The following PHLPP1 variants were observed in gnomAD, a reference collection of about 807,000 sequenced individuals.
The protein encoded by PHLPP1 is PH domain and leucine rich repeat protein phosphatase 1, also known as PH domain leucine-rich repeat-containing protein phosphatase 1.
A neutral mutation model predicts 117.2 loss-of-function variants in PHLPP1; 42 were observed. The observed-to-expected ratio is 0.36, with a 90% CI of 0.28 to 0.46. The LOEUF is 0.46. PHLPP1 is among the 20% of genes least tolerant of loss of function. The pLI, the probability that PHLPP1 is intolerant of heterozygous loss-of-function variation, is 1.00. For synonymous variants in PHLPP1, 1,042 were observed against 970.7 expected, an observed-to-expected ratio of 1.07 and a Z score of -1.37; for missense variants, 2,084 against 2,241.9, an observed-to-expected ratio of 0.93 and a Z score of 1.42.
At chr18:62,962,732 C>T (rs898542789) in intron 13 of PHLPP1, among the ~76,000 whole-genome samples, 1 of 152,230 alleles carries the variant, frequency 6.6e-6, no homozygotes, top group African/African-American at 2.4e-5. Context: ...AGTTTAAATA[C>T]ATACAGTTAA....
At chr18:62,791,131 T>G (rs1278309118) in intron 1 of PHLPP1, among the ~76,000 whole-genome samples, 1 of 152,138 alleles carries the variant, frequency 6.6e-6, no homozygotes, top group East Asian at 1.9e-4. Flanking sequence ...GCTTTCATTA[T>G]TGTCCTAGCA....
rs1351308538 is a variant in PHLPP1 at position 62,838,869 on chromosome 18, C to G, written c.1859C>G (p.Thr620Ser). The G allele has an allele frequency of 6.2e-7, 1 of 1,613,798 alleles. No individual in the cohort carries two copies. The highest frequency in any genetic ancestry group is 1.7e-5 in the Admixed American group (1 of 60,002). ...QSQTYYICFD[T>S]FTEYLRWLRQ... ...CAGACTTACTACATTTGCTTTGATACTTTCACAGAATACTTAAGGTGGCTG... is the reference window on the plus strand; with the variant it reads ...CAGACTTACTACATTTGCTTTGATAGTTTCACAGAATACTTAAGGTGGCTG... The change falls in exon 3 of 17, where the codon ACT (threonine) becomes AGT (serine). Residue 620 changes from threonine (T) to serine (S), a missense_variant. Physicochemically the swap from Thr to Ser is moderately conservative, Grantham distance 58. Around this residue, in one of 2 missense-constraint regions of PHLPP1, gnomAD observed 1,365 missense variants for 1,605.9 expected, o/e 0.85. Coordinates refer to ENST00000262719, the MANE Select transcript of PHLPP1 (RefSeq NM_194449.4).
intron 4 of PHLPP1, among the ~76,000 whole-genome samples, chr18:62,882,771 A>G (rs2144385949): frequency 6.6e-6 from 1 of 152,246 alleles, no homozygotes; most frequent in Non-Finnish European, 1.5e-5. Flanking sequence ...AAAGAGAAAC[A>G]TGAAGTAAGT....
At chr18:62,800,349 C>T (rs568220398) in intron 1 of PHLPP1, among the ~76,000 whole-genome samples, 1 of 152,236 alleles carries the variant, frequency 6.6e-6, no homozygotes, top group Non-Finnish European at 1.5e-5. Flanking sequence ...GTTTGTGTTG[C>T]ATAAAATGTA....
chr18:62,786,842 G>T (rs984349189), intron 1 of PHLPP1, among the ~76,000 whole-genome samples: 1 of 152,188 alleles, frequency 6.6e-6, no homozygotes, highest in East Asian at 1.9e-4. Context: ...GCAATGGTTT[G>T]TGCTGTTTAT....
rs1334065538 is a variant in PHLPP1, at chr18:62,941,734, G to A, written c.2977G>A (p.Ala993Thr). The change falls in exon 11 of 17, where the codon GCC (alanine) becomes ACC (threonine). Residue 993 changes from alanine (A) to threonine (T), a missense_variant. This residue lies in a region of PHLPP1 where 1,365 missense variants were observed against 1,605.9 expected (regional missense o/e 0.85). Transcript: ENST00000262719. ...MKADSLRFLNASANKLESLPP... is the reference protein window; with the variant it reads ...MKADSLRFLNTSANKLESLPP... Reference sequence around the variant, plus strand: ...TCATTGTAGCCTGAGATTCCTGAACGCCTCTGCGAACAAACTGGAAAGCCT... The same window carrying A: ...TCATTGTAGCCTGAGATTCCTGAACACCTCTGCGAACAAACTGGAAAGCCT... 6.2e-6 allele frequency: 10 copies of A among 1,612,048 alleles called. No individual in the cohort carries two copies. The East Asian group carries it at 6.7e-5, about 11-fold the overall frequency.
chr18:62,902,244 A>G (rs576119770), intron 6 of PHLPP1, among the ~76,000 whole-genome samples: 11 of 152,132 alleles, frequency 7.2e-5, no homozygotes, highest in African/African-American at 2.7e-4. Context: ...GTTGGTTCCC[A>G]TTTTTGTCCG....
At chr18:62,848,072 G>T (rs1033800844) in intron 3 of PHLPP1, among the ~76,000 whole-genome samples, 3 of 152,148 alleles carry the variant, frequency 2.0e-5, no homozygotes, top group African/African-American at 7.2e-5. Flanking sequence ...TTGGTTCTCA[G>T]ATACTTTATC....
chr18:62,925,656 A>G (rs1035827243), intron 10 of PHLPP1, among the ~76,000 whole-genome samples: 5 of 150,278 alleles, frequency 3.3e-5, no homozygotes, highest in Non-Finnish European at 5.9e-5. Flanking sequence ...GTAGGCAACT[A>G]TTTTTTTCAG....
At chr18:62,732,297 T>A (rs1911249290) in intron 1 of PHLPP1, among the ~76,000 whole-genome samples, 1 of 152,180 alleles carries the variant, frequency 6.6e-6, no homozygotes. Flanking sequence ...CGGATGCTCA[T>A]TTACCATTTT....
At position 62,903,060 on chromosome 18, in the gene PHLPP1, T is replaced by C. The variant is rs555441352; in HGVS notation, c.2541T>C (p.Asp847=). 3.8e-5 allele frequency: 62 copies of C among 1,613,100 alleles called. 2 individuals carry two copies. In the South Asian group the frequency reaches 6.5e-4, roughly 17 times the overall value. The change falls in exon 7 of 17, where the codon GAT becomes GAC. Residue 847 remains aspartate, a synonymous_variant. Coordinates refer to ENST00000262719, the MANE Select transcript of PHLPP1 (RefSeq NM_194449.4). ...DLRDNKLGDL[D]AMIFNNIEVL... ...GAGACAATAAGCTTGGTGATCTAGATGCTATGATTTTCAACAACATTGAAG... is the reference window on the plus strand; with the variant it reads ...GAGACAATAAGCTTGGTGATCTAGACGCTATGATTTTCAACAACATTGAAG...
intron 1 of PHLPP1, among the ~76,000 whole-genome samples, chr18:62,735,990 T>G (rs1422766613): frequency 6.6e-6 from 1 of 152,004 alleles, no homozygotes; most frequent in Non-Finnish European, 1.5e-5. Flanking sequence ...AGAGTATAGC[T>G]TTGCCAGGCT....
chr18:62,914,917 C>G lies in PHLPP1; in HGVS notation c.2713C>G (p.Arg905Gly). ...YLSYMDVSRNRLENVPEWVCE... is the reference protein window; with the variant it reads ...YLSYMDVSRNGLENVPEWVCE... Reference sequence around the variant, plus strand: ...CTTTTATGTTCTTGCATTTAGGAACCGCTTAGAAAATGTGCCTGAGTGGGT... The same window carrying G: ...CTTTTATGTTCTTGCATTTAGGAACGGCTTAGAAAATGTGCCTGAGTGGGT... Residue 905 changes from arginine (R) to glycine (G), a missense_variant, in exon 9 of 17, where the codon CGC becomes GGC. Physicochemically the swap from Arg to Gly is moderately radical, Grantham distance 125. Transcript: ENST00000262719. 5.0e-6 allele frequency: 8 copies of G among 1,612,040 alleles called. No homozygotes were observed. Among genetic ancestry groups the G allele is most frequent in the Non-Finnish European group, 6.8e-6 (8 of 1,178,612 alleles).
chr18:62,867,658 C>G (rs1915801109), intron 4 of PHLPP1, among the ~76,000 whole-genome samples: 1 of 152,140 alleles, frequency 6.6e-6, no homozygotes. Flanking sequence ...TGTGCTTGTT[C>G]TTCTGGCCTG....
At chr18:62,792,747 T>C (rs1011891387) in intron 1 of PHLPP1, among the ~76,000 whole-genome samples, 1 of 151,530 alleles carries the variant, frequency 6.6e-6, no homozygotes, top group African/African-American at 2.4e-5. Context: ...TGCACCTAGG[T>C]TGCAGCTACT....
chr18:62,736,953 TA>T (rs1443708779), intron 1 of PHLPP1, among the ~76,000 whole-genome samples: 2 of 152,202 alleles, frequency 1.3e-5, no homozygotes, highest in Non-Finnish European at 2.9e-5. Flanking sequence ...TGAGGAGGTA[TA>T]AAAAGAATAT....
At chr18:62,915,079 T>G (rs1201830465) in intron 9 of PHLPP1, 71 bp downstream of exon 9, 2 of 1,089,234 alleles carry the variant, frequency 1.8e-6, no homozygotes, top group Non-Finnish European at 2.7e-6. Context: ...GATTCAGTGT[T>G]TAACTTGGTA....
rs1238640031 is a variant in PHLPP1, at chr18:62,825,346, A to G, written c.1577-4689A>G. ...ATGTAAAATTGTAAATACTTTAAAA[A>G]CCAATGTATGTATATATATAAATAT... is the stretch of plus-strand genomic sequence containing the variant. On this transcript the variant is annotated intron_variant, in intron 1 of 16. Transcript: ENST00000262719. 5 of 149,408 alleles carry G rather than the reference A, an allele frequency of 3.3e-5. No homozygotes were observed. In the East Asian group the frequency reaches 9.7e-4, roughly 29 times the overall value. 9.3% of individuals were successfully genotyped at this position (149,408 alleles called of 1,614,324 possible). A position where few individuals can be genotyped will look rare whatever the true frequency, so the allele number is the denominator to read the frequency against.
rs749009255 is a variant in PHLPP1 at position 62,972,532 on chromosome 18, G to A, written c.3579G>A (p.Leu1193=). The change falls in exon 15 of 17, where the codon CTG becomes CTA. Residue 1193 remains leucine, a synonymous_variant. Transcript: ENST00000262719. ...GVKNKLCVAA[L]SVNNFCDNRE... ...CTTGCAGGTTGTGTGTCGCAGCCCT[G>A]TCGGTGAATAACTTCTGTGACAACC... The A allele has an allele frequency of 3.1e-6, 5 of 1,612,772 alleles. No individual in the cohort carries two copies. In the South Asian group the frequency reaches 4.4e-5, roughly 14 times the overall value.
Sources: allele counts gnomAD v4.1 joint callset (sites outside exome capture counted in the v4.1 genomes callset), GRCh38; gene constraint gnomAD v4.1.1; regional missense constraint gnomAD v4.1.1; transcripts MANE v1.5; gene names NCBI Gene and HGNC (gene_info 2026-07-23, HGNC 2026-07-21).